The following CBLN2 variants were observed in gnomAD, a reference collection of about 807,000 sequenced individuals.
CBLN2 encodes the protein cerebellin 2 precursor.
In CBLN2, 7 loss-of-function variants were observed where a neutral mutation model predicts 15.0. That is an observed-to-expected ratio of 0.47 (90% confidence interval 0.27 to 0.88). The LOEUF (loss-of-function observed/expected upper bound fraction) is 0.88, where lower values mean the gene tolerates loss of function less well. Among genes scored for constraint, CBLN2 ranks in the 40% least tolerant of loss-of-function variants. CBLN2 has a pLI of 0.14. For missense variants in CBLN2, 242 were observed against 304.5 expected (o/e 0.79, Z 1.53); for synonymous variants, 149 against 135.2 (o/e 1.10, Z -0.71).
intron 1 of CBLN2, among the ~76,000 whole-genome samples, chr18:72,576,229 T>C (rs1420211055): frequency 6.6e-6 from 1 of 152,178 alleles, no homozygotes; most frequent in East Asian, 1.9e-4. Context: ...TCCTATTCTG[T>C]TTAGAATGTG....
At chr18:72,572,781 T>A (rs559391766) in intron 1 of CBLN2, among the ~76,000 whole-genome samples, 123 of 152,252 alleles carry the variant, frequency 8.1e-4, no homozygotes, top group African/African-American at 2.8e-3. Flanking sequence ...AATAGAATAT[T>A]ATCATAGTTT....
In CBLN2 at chr18:72,585,498, G is replaced by C. The variant is rs543451421; in HGVS notation, c.16-46726C>G. Among the ~76,000 whole-genome samples the C allele has an allele frequency of 2.6e-5, 4 of 152,258 alleles. No individual in the cohort carries two copies. In the East Asian group the frequency reaches 7.8e-4, roughly 30 times the overall value. On this transcript the variant is annotated intron_variant, in intron 1 of 2. Coordinates refer to the CBLN2 transcript ENST00000581073. ...CAGAGTGGGTAGCTCCTAGCCACAG[G>C]AAGGTCATCCCATCATCTGAGTGTG...
chr18:72,562,300 A>G (rs1329089961), intron 1 of CBLN2, among the ~76,000 whole-genome samples: 2 of 152,222 alleles, frequency 1.3e-5, no homozygotes, highest in African/African-American at 2.4e-5. Flanking sequence ...TAAAATATAT[A>G]TCAAGCACAG....
At chr18:72,618,984 C>A (rs565523333) in intron 1 of CBLN2, 1 of 761,730 alleles carries the variant, frequency 1.3e-6, no homozygotes, top group South Asian at 1.3e-5. Context: ...ATGGTGGCAG[C>A]GGGGATGGTC....
intron 1 of CBLN2, among the ~76,000 whole-genome samples, chr18:72,594,580 G>A (rs963554697): frequency 1.3e-5 from 2 of 151,600 alleles, no homozygotes; most frequent in African/African-American, 4.8e-5. Flanking sequence ...TATTTATTCT[G>A]TTTTTTGGAA....
At chr18:72,553,932 T>C (rs1289998881) in intron 1 of CBLN2, among the ~76,000 whole-genome samples, 2 of 152,214 alleles carry the variant, frequency 1.3e-5, no homozygotes. Context: ...AGATTCGTTT[T>C]TCAGCTTATG....
chr18:72,632,680 A>C (rs1310514864), intron 1 of CBLN2, among the ~76,000 whole-genome samples: 1 of 152,192 alleles, frequency 6.6e-6, no homozygotes, highest in Non-Finnish European at 1.5e-5. Context: ...TGATAGAAAT[A>C]AACTTAGCTC....
At chr18:72,635,723 A>C (rs2069807964) in intron 1 of CBLN2, among the ~76,000 whole-genome samples, 2 of 152,158 alleles carry the variant, frequency 1.3e-5, no homozygotes, top group Non-Finnish European at 2.9e-5. Flanking sequence ...TATCTTTAAA[A>C]GTCCAACTAG....
intron 1 of CBLN2, among the ~76,000 whole-genome samples, chr18:72,602,373 C>T (rs72971253): frequency 0.016 from 2,443 of 152,318 alleles, 29 homozygotes; most frequent in Non-Finnish European, 0.023. Context: ...CACTACGCTT[C>T]TGGTATCCCA....
chr18:72,583,236 G>A (rs2069418458), intron 1 of CBLN2, among the ~76,000 whole-genome samples: 2 of 152,182 alleles, frequency 1.3e-5, no homozygotes, highest in East Asian at 1.9e-4. Context: ...TAAGCCCCAG[G>A]CAGAGCTAAA....
chr18:72,583,802 C>T (rs778460436), intron 1 of CBLN2, among the ~76,000 whole-genome samples: 1 of 152,162 alleles, frequency 6.6e-6, no homozygotes, highest in Non-Finnish European at 1.5e-5. Flanking sequence ...AGAATCATGG[C>T]CTGGCCATCC....
chr18:72,601,491 A>G (rs2069547885), intron 1 of CBLN2, among the ~76,000 whole-genome samples: 1 of 152,182 alleles, frequency 6.6e-6, no homozygotes, highest in Non-Finnish European at 1.5e-5. Flanking sequence ...AGGCGTCTCC[A>G]TGCAGAGGAG....
chr18:72,600,561 G>A (rs187808223), intron 1 of CBLN2, among the ~76,000 whole-genome samples: 2 of 152,266 alleles, frequency 1.3e-5, no homozygotes, highest in Admixed American at 6.5e-5. Flanking sequence ...GTGGAGATAA[G>A]AATGATGAGA....
intron 1 of CBLN2, among the ~76,000 whole-genome samples, chr18:72,622,284 C>T (rs1361942576): frequency 6.6e-6 from 1 of 151,956 alleles, no homozygotes; most frequent in African/African-American, 2.4e-5. Context: ...CAATTAGAAA[C>T]ATTGCTTATG....
At chr18:72,567,587 C>G (rs958381652) in intron 1 of CBLN2, among the ~76,000 whole-genome samples, 4 of 152,194 alleles carry the variant, frequency 2.6e-5, no homozygotes, top group Non-Finnish European at 5.9e-5. Context: ...TCGAGGGTTA[C>G]ATAGACAAGT....
intron 1 of CBLN2, among the ~76,000 whole-genome samples, chr18:72,565,312 A>G (rs956080141): frequency 5.3e-5 from 8 of 152,114 alleles, no homozygotes; most frequent in African/African-American, 1.7e-4. Flanking sequence ...AGTATTTAAT[A>G]TTATTACTGT....
At chr18:72,547,979 A>G (rs1218441373), upstream of CBLN2, among the ~76,000 whole-genome samples, 1 of 152,210 alleles carries the variant, frequency 6.6e-6, no homozygotes, top group Non-Finnish European at 1.5e-5. Flanking sequence ...ACATACCTAC[A>G]TCCTCAAGAA....
chr18:72,556,619 C>T (rs904879976), intron 1 of CBLN2, among the ~76,000 whole-genome samples: 6 of 152,128 alleles, frequency 3.9e-5, no homozygotes, highest in African/African-American at 1.4e-4. Context: ...TGCTGCACAG[C>T]AGTAAACATG....
chr18:72,549,132 C>T (rs2069176887), upstream of CBLN2, among the ~76,000 whole-genome samples: 2 of 152,168 alleles, frequency 1.3e-5, no homozygotes, highest in Admixed American at 6.5e-5. Context: ...CTGTCTCAGC[C>T]TTCCTAGTAG....
Sources: gnomAD v4.1 joint callset for allele counts (sites outside exome capture counted in the v4.1 genomes callset) on GRCh38, gnomAD v4.1.1 for gene constraint, MANE v1.5 for transcripts, NCBI Gene and HGNC (gene_info 2026-07-23, HGNC 2026-07-21) for gene names.